CALCRL: variants seen among roughly 807,000 people sequenced by gnomAD.
The protein encoded by CALCRL is calcitonin receptor like receptor.
In CALCRL, 27 loss-of-function variants were observed where a neutral mutation model predicts 60.4. The observed-to-expected ratio is 0.45, with a 90% CI of 0.33 to 0.62. The LOEUF (loss-of-function observed/expected upper bound fraction) is 0.62. Among genes scored for constraint, CALCRL ranks in the 20% least tolerant of loss-of-function variants. The pLI is 0.03. For synonymous variants in CALCRL, 190 were observed against 182.6 expected (o/e 1.04, Z -0.33); for missense variants, 424 against 540.7 (o/e 0.78, Z 2.14).
intron 12 of CALCRL, among the ~76,000 whole-genome samples, chr2:187,356,566 G>A (rs1407425374): frequency 1.3e-5 from 2 of 151,946 alleles, no homozygotes; most frequent in African/African-American, 2.4e-5. Flanking sequence ...GAAGAAAAGC[G>A]AGGCAATATC....
chr2:187,352,086 A>G, intron 13 of CALCRL, 28 bp downstream of exon 13: 1 of 1,599,026 alleles, frequency 6.3e-7, no homozygotes, highest in Non-Finnish European at 8.6e-7. Context: ...AAACTTCTCA[A>G]GCTGCCTTCT....
chr2:187,438,392 C>A (rs938290180), intron 1 of CALCRL, among the ~76,000 whole-genome samples: 4 of 152,162 alleles, frequency 2.6e-5, no homozygotes, highest in Non-Finnish European at 5.9e-5. Flanking sequence ...TATACATCAA[C>A]ACTGAAAAGC....
At chr2:187,357,326 A>G (rs558335386) in intron 12 of CALCRL, among the ~76,000 whole-genome samples, 2 of 152,174 alleles carry the variant, frequency 1.3e-5, no homozygotes, top group East Asian at 1.9e-4. Context: ...ATGCAGCCAT[A>G]AAAAGAATGA....
chr2:187,383,361 G>A, intron 4 of CALCRL, 56 bp from the exon 5 acceptor site: 1 of 1,452,952 alleles, frequency 6.9e-7, no homozygotes, highest in Non-Finnish European at 9.3e-7. Flanking sequence ...ATGAAAATGT[G>A]TTTGTCAAAG....
At chr2:187,430,650 A>T (rs926293588) in intron 1 of CALCRL, among the ~76,000 whole-genome samples, 1 of 151,990 alleles carries the variant, frequency 6.6e-6, no homozygotes, top group African/African-American at 2.4e-5. Context: ...TGAAAATGAG[A>T]CTCTCAGAGT....
chr2:187,445,832 C>T (rs546336853), intron 1 of CALCRL, among the ~76,000 whole-genome samples: 2 of 151,298 alleles, frequency 1.3e-5, no homozygotes, highest in African/African-American at 4.8e-5. Flanking sequence ...ATTACATGTT[C>T]GGAGTCACCA....
chr2:187,427,135 A>C (rs1278959395), intron 1 of CALCRL, among the ~76,000 whole-genome samples: 1 of 152,128 alleles, frequency 6.6e-6, no homozygotes, highest in Non-Finnish European at 1.5e-5. Context: ...GTAAAAGAGG[A>C]AAAGGAAGAT....
chr2:187,438,937 T>A (rs1407688242), intron 1 of CALCRL, among the ~76,000 whole-genome samples: 2 of 152,244 alleles, frequency 1.3e-5, no homozygotes, highest in African/African-American at 4.8e-5. Context: ...TTCTAACACC[T>A]TCAGTAATTT....
chr2:187,444,745 A>T (rs188707488), intron 1 of CALCRL, among the ~76,000 whole-genome samples: 60 of 151,664 alleles, frequency 4.0e-4, no homozygotes, highest in Middle Eastern at 3.4e-3. Context: ...TATGTCCTTA[A>T]AAATTGAATA....
intron 12 of CALCRL, among the ~76,000 whole-genome samples, chr2:187,354,159 T>G (rs1686663735): frequency 1.3e-5 from 2 of 151,996 alleles, no homozygotes; most frequent in Non-Finnish European, 2.9e-5. Flanking sequence ...TGAGCAAAAC[T>G]AGTTCAGTAG....
chr2:187,352,774 A>G (rs1398058), intron 12 of CALCRL, among the ~76,000 whole-genome samples: 131,837 of 151,750 alleles, frequency 0.87, 57,487 homozygotes, highest in African/African-American at 0.91. Flanking sequence ...TGTATATTAT[A>G]CCATAATAAC....
rs186797011 is a variant in CALCRL, at chr2:187,348,146, G to A, written c.1171-1747C>T. Among the ~76,000 whole-genome samples the A allele has an allele frequency of 3.0e-3, 449 of 151,570 alleles. 1 individual carries two copies. The highest frequency in any genetic ancestry group is 0.02 in the Middle Eastern group (6 of 294). ...TTAGTAATATAATTCTAAATCCTCC[G>A]TATAAAATATCTAAATTCAGATAAT... is the stretch of plus-strand genomic sequence containing the variant. On this transcript the variant is annotated intron_variant, in intron 14 of 14. Transcript: ENST00000392370.
intron 8 of CALCRL, among the ~76,000 whole-genome samples, chr2:187,372,971 C>T (rs1297050421): frequency 6.6e-6 from 1 of 152,074 alleles, no homozygotes; most frequent in African/African-American, 2.4e-5. Context: ...TACACAGATG[C>T]TTCTACTGAT....
At position 187,351,284 on chromosome 2, in the gene CALCRL, CAAAAA is replaced by C. The variant is rs59030457; in HGVS notation, c.1170+631_1170+635del. Among the ~76,000 whole-genome samples, 16 of 116,134 alleles carry C rather than the reference CAAAAA, an allele frequency of 1.4e-4. 5 individuals are homozygous for C. The highest frequency in any genetic ancestry group is 7.9e-4 in the Admixed American group (8 of 10,162). 76.2% of individuals were successfully genotyped at this position (116,134 alleles called of 152,430 possible). On this transcript the variant is annotated intron_variant, in intron 14 of 14. Coordinates refer to ENST00000392370, the MANE Select transcript of CALCRL (RefSeq NM_005795.6). ...TGGGCTAAACAGCGGGACTCCGTCT[CAAAAA>C]AAAAAAAAAAAGAAATATGTTACCA...
chr2:187,375,366 C>A (rs567393080), intron 8 of CALCRL, among the ~76,000 whole-genome samples: 2 of 149,510 alleles, frequency 1.3e-5, no homozygotes, highest in South Asian at 4.2e-4. Context: ...TCTTTTTTTT[C>A]CTTTCAGTTC....
In CALCRL at chr2:187,343,587, ATTAACT is replaced by A. The variant is rs1387186542; in HGVS notation, c.*2591_*2596del. ...TATTTTATGAATAAATGCATTGGAA[ATTAACT>A]TTAGGAAATAAAATGACAAATTAGA... is the stretch of plus-strand genomic sequence containing the variant. On this transcript the variant is annotated 3_prime_UTR_variant, in exon 15 of 15. Transcript: ENST00000392370. 2 of 151,946 alleles carry A rather than the reference ATTAACT, an allele frequency of 1.3e-5. No individual in the cohort carries two copies. The highest frequency in any genetic ancestry group is 3.0e-5 in the Non-Finnish European group (2 of 67,596). 9.4% of individuals were successfully genotyped at this position (151,946 alleles called of 1,614,324 possible).
intron 1 of CALCRL, among the ~76,000 whole-genome samples, chr2:187,392,761 T>A (rs1688502297): frequency 6.6e-6 from 1 of 152,144 alleles, no homozygotes; most frequent in Non-Finnish European, 1.5e-5. Context: ...TGAAGTGCAG[T>A]GGTACAATCA....
At chr2:187,445,150 A>G (rs191827329) in intron 1 of CALCRL, among the ~76,000 whole-genome samples, 181 of 151,640 alleles carry the variant, frequency 1.2e-3, no homozygotes, top group Middle Eastern at 6.8e-3. Context: ...TCTTAAGCGT[A>G]TTCTCCAATA....
chr2:187,371,977 C>T (rs751513936), intron 8 of CALCRL, among the ~76,000 whole-genome samples: 4 of 152,014 alleles, frequency 2.6e-5, no homozygotes, highest in Non-Finnish European at 4.4e-5. Flanking sequence ...ATTGAGAATG[C>T]TTTGGTCTAC....
Sources: gnomAD v4.1 joint callset for allele counts (sites outside exome capture counted in the v4.1 genomes callset) on GRCh38, gnomAD v4.1.1 for gene constraint, MANE v1.5 for transcripts, NCBI Gene and HGNC (gene_info 2026-07-23, HGNC 2026-07-21) for gene names.